SIMC1: variants seen among roughly 807,000 people sequenced by gnomAD.
SIMC1 encodes the protein SUMO interacting motifs containing 1.
SIMC1 carries 55 observed loss-of-function variants against 82.3 expected under a neutral mutation model. The observed-to-expected ratio is 0.67, with a 90% CI of 0.54 to 0.84. The LOEUF (loss-of-function observed/expected upper bound fraction) is 0.84, where lower values mean the gene tolerates loss of function less well. Among genes scored for constraint, SIMC1 ranks in the 40% least tolerant of loss-of-function variants. The probability of loss-of-function intolerance (pLI) is 0.00; values close to 1 mark genes in which losing one functional copy is unlikely to be tolerated. For missense variants in SIMC1, 915 were observed against 1,107.2 expected, an observed-to-expected ratio of 0.83 and a Z score of 2.46; for synonymous variants, 353 against 426.3, an observed-to-expected ratio of 0.83 and a Z score of 2.12.
intron 1 of SIMC1, among the ~76,000 whole-genome samples, chr5:176,276,609 C>A (rs1204881614): frequency 8.1e-6 from 1 of 124,208 alleles, no homozygotes; most frequent in Non-Finnish European, 1.7e-5. Context: ...CCCCCCACCC[C>A]ACAACAGTCC....
chr5:176,336,754 C>T lies in SIMC1; in HGVS notation c.2206C>T (p.Leu736=), dbSNP rs1347432640. The T allele has an allele frequency of 2.5e-6, 4 of 1,613,920 alleles. No homozygotes were observed. In the Admixed American group the frequency reaches 5.0e-5, roughly 20 times the overall value. ...CTTTACTACCATGGAAAGCCACCTT[C>T]TGCGCTGCAAAGTGTTAGAAATCAT... ...MFFTTMESHL[L]RCKVLEIIFL... Residue 736 remains leucine (L), a synonymous_variant, in exon 8 of 10, where the codon CTG becomes TTG. Coordinates refer to ENST00000429602, the MANE Select transcript of SIMC1 (RefSeq NM_001308195.2).
chr5:176,264,081 A>G (rs1257653602), intron 1 of SIMC1, among the ~76,000 whole-genome samples: 1 of 152,232 alleles, frequency 6.6e-6, no homozygotes, highest in Non-Finnish European at 1.5e-5. Flanking sequence ...TACTGGTGCA[A>G]GGGGTGGGCT....
Position 176,313,706 on chromosome 5 carries a change from G to C in SIMC1, c.1750G>C (p.Gly584Arg). The change falls in exon 5 of 10, where the codon GGG becomes CGG. Residue 584 changes from glycine to arginine, a missense_variant. By Grantham distance (125) the Gly-to-Arg change is moderately radical. Coordinates refer to ENST00000429602, the MANE Select transcript of SIMC1 (RefSeq NM_001308195.2). Reference protein sequence around the residue: ...VMEEEGQTLPGRVLFLRYVVQ... With the variant: ...VMEEEGQTLPRRVLFLRYVVQ... ...TTTCCCACAGGGACAAACTCTGCCT[G>C]GGCGAGTCCTTTTCCTGCGTTATGT... The C allele has an allele frequency of 1.2e-6, 2 of 1,613,860 alleles. No individual in the cohort carries two copies. The highest frequency in any genetic ancestry group is 8.5e-7 in the Non-Finnish European group (1 of 1,179,822).
At chr5:176,344,504 CACCT>C (rs933771990) in intron 9 of SIMC1, among the ~76,000 whole-genome samples, 1 of 142,404 alleles carries the variant, frequency 7.0e-6, no homozygotes, top group Non-Finnish European at 1.5e-5. Flanking sequence ...CACACACACA[CACCT>C]GAGACTGGGT....
chr5:176,246,102 C>T (rs1445489224), intron 1 of SIMC1, among the ~76,000 whole-genome samples: 10 of 151,032 alleles, frequency 6.6e-5, no homozygotes, highest in African/African-American at 9.7e-5. Context: ...CTCCACCTCC[C>T]GGATTCAAGC....
chr5:176,308,785 A>C, intron 4 of SIMC1: 1 of 1,266,480 alleles, frequency 7.9e-7, no homozygotes, highest in Non-Finnish European at 1.2e-6. Context: ...ATCCTGTGCC[A>C]GGAGGAGCAG....
intron 4 of SIMC1, among the ~76,000 whole-genome samples, chr5:176,300,137 A>G (rs1051167082): frequency 6.6e-6 from 1 of 152,244 alleles, no homozygotes; most frequent in Non-Finnish European, 1.5e-5. Context: ...AGAAGTACAG[A>G]TGTAAATAAA....
At chr5:176,302,742 G>A (rs1764096961) in intron 4 of SIMC1, among the ~76,000 whole-genome samples, 1 of 151,794 alleles carries the variant, frequency 6.6e-6, no homozygotes, top group Admixed American at 6.6e-5. Flanking sequence ...ACAAAACTCA[G>A]TTGCATTTTT....
At chr5:176,340,294 G>A (rs1766079625) in intron 9 of SIMC1, among the ~76,000 whole-genome samples, 1 of 152,156 alleles carries the variant, frequency 6.6e-6, no homozygotes, top group African/African-American at 2.4e-5. Context: ...CTTGTTCTTT[G>A]GCCGAGAGAA....
chr5:176,279,184 T>C (rs1271921148), intron 1 of SIMC1, among the ~76,000 whole-genome samples: 1 of 152,054 alleles, frequency 6.6e-6, no homozygotes, highest in Non-Finnish European at 1.5e-5. Context: ...GTTGGGAGAG[T>C]GTATGTGTCG....
chr5:176,316,513 CAAAAAA>C (rs60873841), intron 5 of SIMC1, among the ~76,000 whole-genome samples: 1 of 122,638 alleles, frequency 8.2e-6, no homozygotes, highest in East Asian at 2.5e-4. Flanking sequence ...CTAAAAAATA[CAAAAAA>C]AAAAAAAAAA....
intron 1 of SIMC1, among the ~76,000 whole-genome samples, chr5:176,240,672 G>A (rs1761250719): frequency 1.1e-5 from 1 of 93,688 alleles, no homozygotes; most frequent in Admixed American, 1.0e-4. Context: ...GGCATTGAGA[G>A]ACTTGCAAGG....
chr5:176,253,366 T>C (rs1761751998), intron 1 of SIMC1, among the ~76,000 whole-genome samples: 1 of 152,078 alleles, frequency 6.6e-6, no homozygotes, highest in African/African-American at 2.4e-5. Flanking sequence ...CTTCTAAAGA[T>C]ACTCCTCGAG....
chr5:176,309,327 G>A (rs185170948), intron 4 of SIMC1, among the ~76,000 whole-genome samples: 15 of 152,190 alleles, frequency 9.9e-5, no homozygotes, highest in African/African-American at 3.6e-4. Flanking sequence ...ATAGCAAGGA[G>A]AAAAAAGAAC....
At chr5:176,286,311 A>C (rs1763280351) in intron 1 of SIMC1, among the ~76,000 whole-genome samples, 1 of 152,272 alleles carries the variant, frequency 6.6e-6, no homozygotes. Context: ...GGAACAGAAC[A>C]GAGCCCTCAG....
At chr5:176,282,580 C>G (rs1425603203) in intron 1 of SIMC1, among the ~76,000 whole-genome samples, 3 of 150,596 alleles carry the variant, frequency 2.0e-5, no homozygotes, top group Middle Eastern at 3.4e-3. Context: ...CTTGGCTCCT[C>G]CCCCCGAAAA....
At chr5:176,318,261 G>A (rs1765003748) in intron 5 of SIMC1, among the ~76,000 whole-genome samples, 1 of 152,184 alleles carries the variant, frequency 6.6e-6, no homozygotes, top group African/African-American at 2.4e-5. Context: ...GTTGCAAAGG[G>A]AGAAGCCTCT....
At chr5:176,265,511 A>T (rs146906575) in intron 1 of SIMC1, among the ~76,000 whole-genome samples, 14 of 152,132 alleles carry the variant, frequency 9.2e-5, no homozygotes, top group African/African-American at 3.4e-4. Context: ...AAGCCCCAAA[A>T]GAAAAGTGTT....
chr5:176,317,610 ATATAT>A (rs1423106043), intron 5 of SIMC1, among the ~76,000 whole-genome samples: 2 of 152,134 alleles, frequency 1.3e-5, no homozygotes, highest in African/African-American at 2.4e-5. Context: ...TATATCATTA[ATATAT>A]TATAATTTTT....
Sources: allele counts gnomAD v4.1 joint callset (sites outside exome capture counted in the v4.1 genomes callset), GRCh38; gene constraint gnomAD v4.1.1; transcripts MANE v1.5; gene names NCBI Gene and HGNC (gene_info 2026-07-23, HGNC 2026-07-21).